STX5: variants seen among roughly 807,000 people sequenced by gnomAD.
STX5 encodes syntaxin 5, also known as syntaxin-5.
Under a neutral mutation model 42.9 loss-of-function variants are expected in STX5, and 15 were observed. The observed-to-expected ratio is 0.35, with a 90% CI of 0.23 to 0.54. The LOEUF is 0.54. STX5 is among the 20% of genes least tolerant of loss of function. The probability of loss-of-function intolerance (pLI) is 0.91; values close to 1 mark genes in which losing one functional copy is unlikely to be tolerated. For synonymous variants in STX5, 184 were observed against 173.2 expected (o/e 1.06, Z -0.49); for missense variants, 430 against 455.0 (o/e 0.95, Z 0.50).
In STX5 at chr11:62,832,010, T is replaced by C. The variant is rs1487415105; in HGVS notation, c.-76A>G. 5 of 470,978 alleles carry C rather than the reference T, an allele frequency of 1.1e-5. No homozygotes were observed. The highest frequency in any genetic ancestry group is 6.6e-5 in the East Asian group (1 of 15,218). 29.2% of individuals were successfully genotyped at this position (470,978 alleles called of 1,614,324 possible). On this transcript the variant is annotated 5_prime_UTR_variant, in exon 1 of 11. Transcript: ENST00000294179. ...TCCAATCTCACCGGCCGTCACTGCC[T>C]CCTCCCCGAGCACTGAAGCCGCCGA...
rs1022149963 is a variant in STX5 at position 62,831,270 on chromosome 11, G to A, written c.-19-8C>T. ...GAGACGCATAACCTCGGACTGTTGT[G>A]GAGGGGAGAGTGTCATTCCCCAGGC... is the stretch of plus-strand genomic sequence containing the variant. On this transcript the variant is annotated splice_polypyrimidine_tract_variant and splice_region_variant and intron_variant, in intron 1 of 10. Transcript: ENST00000294179. The A allele has an allele frequency of 7.8e-6, 12 of 1,536,906 alleles. No homozygotes were observed. The highest frequency in any genetic ancestry group is 5.5e-5 in the African/African-American group (4 of 72,906).
At chr11:62,829,179 C>A (rs2084828320) in intron 2 of STX5, among the ~76,000 whole-genome samples, 1 of 152,080 alleles carries the variant, frequency 6.6e-6, no homozygotes, top group Admixed American at 6.6e-5. Context: ...AATCCCAGCA[C>A]TTTGGAAGGC....
intron 10 of STX5, among the ~76,000 whole-genome samples, chr11:62,814,056 T>G (rs2084646203): frequency 6.6e-6 from 1 of 152,140 alleles, no homozygotes; most frequent in South Asian, 2.1e-4. Flanking sequence ...CCAGACATAT[T>G]TGGAACAACT....
chr11:62,807,321 G>A lies in STX5; in HGVS notation c.*148C>T. On this transcript the variant is annotated 3_prime_UTR_variant, in exon 11 of 11. Coordinates refer to ENST00000294179, the MANE Select transcript of STX5 (RefSeq NM_003164.5). The stretch of plus-strand genomic sequence containing the variant: ...CAGGGTGGCCAGAGGCAAGGGGTGG[G>A]GGATCAGGGGCAGTGGTCATTCTTA... 2 of 1,279,580 alleles carry A rather than the reference G, an allele frequency of 1.6e-6. No individual in the cohort carries two copies. The highest frequency in any genetic ancestry group is 2.1e-6 in the Non-Finnish European group (2 of 951,586). 79.3% of individuals were successfully genotyped at this position (1,279,580 alleles called of 1,614,324 possible). A position where few individuals can be genotyped will look rare whatever the true frequency, so the allele number is the denominator to read the frequency against.
intron 10 of STX5, 36 bp from the exon 11 acceptor site, chr11:62,807,664 A>G (rs2134797774): frequency 1.2e-6 from 2 of 1,611,496 alleles, no homozygotes; most frequent in Non-Finnish European, 1.7e-6. Context: ...AAACAAAAGG[A>G]CACTGGATTA....
chr11:62,814,749 C>T (rs1373970201), intron 10 of STX5, among the ~76,000 whole-genome samples: 1 of 151,942 alleles, frequency 6.6e-6, no homozygotes, highest in African/African-American at 2.4e-5. Flanking sequence ...CATGCGCCAC[C>T]ACGCTCAGCA....
rs2084778989 is a variant in STX5 at position 62,825,043 on chromosome 11, G to C, written c.672C>G (p.Asn224Lys). 1.9e-6 allele frequency: 3 copies of C among 1,613,818 alleles called. No individual in the cohort carries two copies. Among genetic ancestry groups the C allele is most frequent in the Admixed American group, 1.7e-5 (1 of 59,982 alleles). Residue 224 changes from asparagine (N) to lysine (K), a missense_variant, in exon 8 of 11, where the codon AAC becomes AAG. Coordinates refer to ENST00000294179, the MANE Select transcript of STX5 (RefSeq NM_003164.5). ...GTTTTACCTGTGACTTACCCAGGTG[G>C]TTAGGGGCAAGGGGCAGGGCTGACA... ...APVSALPLAP[N>K]HLGGGAVVLG...
intron 5 of STX5, among the ~76,000 whole-genome samples, chr11:62,826,002 C>G (rs920373668): frequency 6.6e-6 from 1 of 152,168 alleles, no homozygotes; most frequent in Non-Finnish European, 1.5e-5. Context: ...TGTCTGTAAA[C>G]CCACCACTTT....
intron 5 of STX5, among the ~76,000 whole-genome samples, chr11:62,826,095 A>G (rs1026821694): frequency 1.3e-5 from 2 of 152,204 alleles, no homozygotes; most frequent in Non-Finnish European, 2.9e-5. Context: ...TCTACTAAAA[A>G]TACCAAAAAT....
intron 10 of STX5, among the ~76,000 whole-genome samples, chr11:62,808,427 CA>C (rs1344625452): frequency 7.3e-6 from 1 of 136,854 alleles, no homozygotes; most frequent in Non-Finnish European, 1.5e-5. Context: ...AAGACTGCCT[CA>C]GGGGGAAAAA....
At chr11:62,810,103 CAAAAA>C (rs11405544) in intron 10 of STX5, among the ~76,000 whole-genome samples, 3 of 97,598 alleles carry the variant, frequency 3.1e-5, no homozygotes, top group African/African-American at 3.8e-5. Flanking sequence ...GACTCCATCT[CAAAAA>C]AAAAAAAAAA....
chr11:62,826,500 T>C (rs1257512643), intron 5 of STX5, among the ~76,000 whole-genome samples: 1 of 151,966 alleles, frequency 6.6e-6, no homozygotes, highest in Non-Finnish European at 1.5e-5. Context: ...GAGGTTGCAG[T>C]GAGCTGAGAT....
Position 62,807,237 on chromosome 11 carries a change from G to A in STX5, c.*232C>T. The stretch of plus-strand genomic sequence containing the variant: ...TCTGCTCCCTTCCAGTCACTTCACA[G>A]CAGAGTTCAAATCTAGAACCCTGTG... On this transcript the variant is annotated 3_prime_UTR_variant, in exon 11 of 11. Transcript: ENST00000294179. The A allele has an allele frequency of 1.9e-6, 1 of 523,306 alleles. No individual in the cohort carries two copies. Among genetic ancestry groups the A allele is most frequent in the South Asian group, 3.1e-5 (1 of 32,416 alleles). 32.4% of individuals were successfully genotyped at this position (523,306 alleles called of 1,614,324 possible). A position where few individuals can be genotyped will look rare whatever the true frequency, so the allele number is the denominator to read the frequency against.
intron 2 of STX5, chr11:62,830,624 C>G (rs189290377): frequency 8.8e-6 from 4 of 456,084 alleles, no homozygotes; most frequent in African/African-American, 8.0e-5. Context: ...TAATATGTAA[C>G]TAGATTAACT....
In STX5 at chr11:62,824,442, GT is replaced by G. The variant is rs1255962075; in HGVS notation, c.786+16del. On this transcript the variant is annotated intron_variant, in intron 9 of 10. Transcript: ENST00000294179. ...ATAATGGAGAAGCTGATTCTACCTA[GT>G]TCAGAGCCTGGGTACCTGCTCGTCA... 3 of 1,614,082 alleles carry G rather than the reference GT, an allele frequency of 1.9e-6. No individual in the cohort carries two copies. Among genetic ancestry groups the G allele is most frequent in the Non-Finnish European group, 2.5e-6 (3 of 1,179,976 alleles).
chr11:62,821,034 G>C (rs979679944), intron 10 of STX5, among the ~76,000 whole-genome samples: 1 of 151,984 alleles, frequency 6.6e-6, no homozygotes, highest in African/African-American at 2.4e-5. Flanking sequence ...AATAGGCCAG[G>C]TGCGGTGGCT....
chr11:62,814,675 G>C (rs2084654237), intron 10 of STX5, among the ~76,000 whole-genome samples: 4 of 151,300 alleles, frequency 2.6e-5, no homozygotes, highest in Admixed American at 6.6e-5. Flanking sequence ...GCCCAGGCTG[G>C]AGTGTAATGG....
rs146635415 is a variant in STX5 at position 62,824,465 on chromosome 11, G to A, written c.780C>T (p.Asp260=). ...TAGTTCAGAGCCTGGGTACCTGCTCGTCAATGAGCTGCAGCTGCTGGCTGG... is the reference window on the plus strand; with the variant it reads ...TAGTTCAGAGCCTGGGTACCTGCTCATCAATGAGCTGCAGCTGCTGGCTGG... The part of the protein sequence containing the change: ...SRTSQQLQLI[D]EQDSYIQSRA... Residue 260 remains aspartate (D), a synonymous_variant, in exon 9 of 11, where the codon GAC becomes GAT. Transcript: ENST00000294179. 1.8e-4 allele frequency: 289 copies of A among 1,614,138 alleles called. No homozygotes were observed. The African/African-American group carries it at 2.9e-3, about 16-fold the overall frequency.
Position 62,825,066 on chromosome 11 carries a change from A to C in STX5, c.649T>G (p.Ser217Ala). ...RREQFSRAPV[S>A]ALPLAPNHLG... is the part of the protein sequence containing the mutation. ...TGGTTAGGGGCAAGGGGCAGGGCTG[A>C]CACAGGTGCCCGGGAGAACTGCTCT... is the stretch of plus-strand genomic sequence containing the variant. Residue 217 changes from serine (S) to alanine (A), a missense_variant, in exon 8 of 11, where the codon TCA becomes GCA. Coordinates refer to ENST00000294179, the MANE Select transcript of STX5 (RefSeq NM_003164.5). 1.9e-6 allele frequency: 3 copies of C among 1,613,940 alleles called. No homozygotes were observed. The highest frequency in any genetic ancestry group is 2.5e-6 in the Non-Finnish European group (3 of 1,180,020).
Sources: allele counts gnomAD v4.1 joint callset (sites outside exome capture counted in the v4.1 genomes callset), GRCh38; gene constraint gnomAD v4.1.1; transcripts MANE v1.5; gene names NCBI Gene and HGNC (gene_info 2026-07-23, HGNC 2026-07-21).